ITGA11: variants seen among roughly 807,000 people sequenced by gnomAD.
The protein encoded by ITGA11 is integrin subunit alpha 11.
In ITGA11, 97 loss-of-function variants were observed where a neutral mutation model predicts 141.9. The ratio of observed to expected loss-of-function variants is 0.68; its 90% CI spans 0.58 to 0.81. The LOEUF is 0.81. Among genes scored for constraint, ITGA11 ranks in the 30% least tolerant of loss-of-function variants. The pLI, the probability that ITGA11 is intolerant of heterozygous loss-of-function variation, is 0.00. For missense variants in ITGA11, 1,387 were observed against 1,559.2 expected, an observed-to-expected ratio of 0.89 and a Z score of 1.86; for synonymous variants, 658 against 624.6, an observed-to-expected ratio of 1.05 and a Z score of -0.80.
rs879160778 is a variant in ITGA11 at position 68,311,038 on chromosome 15, G to A, written c.3130C>T (p.Arg1044Trp). 7 of 1,607,188 alleles carry A rather than the reference G, an allele frequency of 4.4e-6. No homozygotes were observed. Among genetic ancestry groups the A allele is most frequent in the African/African-American group, 1.3e-5 (1 of 74,770 alleles). Residue 1044 changes from arginine (R) to tryptophan (W), a missense_variant, in exon 26 of 30, where the codon CGG becomes TGG. By Grantham distance (101) the Arg-to-Trp change is moderately radical. Coordinates refer to ENST00000315757, the MANE Select transcript of ITGA11 (RefSeq NM_001004439.2). ...CNIWGNSTEY[R>W]PTPVEEDLRR... ...AAGTCTTCCTCCACTGGGGTGGGCC[G>A]GTACTCAGTGCTATTGCCCCAGATG...
At chr15:68,351,469 T>C (rs1894910835) in intron 7 of ITGA11, 67 bp from the exon 8 acceptor site, 2 of 1,541,244 alleles carry the variant, frequency 1.3e-6, no homozygotes, top group Admixed American at 3.7e-5. Flanking sequence ...CTGACGCTCC[T>C]GCAGAGGGGC....
At chr15:68,384,763 C>G (rs543193790) in intron 2 of ITGA11, among the ~76,000 whole-genome samples, 4 of 152,198 alleles carry the variant, frequency 2.6e-5, no homozygotes, top group Non-Finnish European at 4.4e-5. Flanking sequence ...GAGAAAATAG[C>G]GGAGAGCGTT....
intron 21 of ITGA11, among the ~76,000 whole-genome samples, chr15:68,315,934 AAAGAC>A (rs1201638639): frequency 6.6e-6 from 1 of 152,206 alleles, no homozygotes; most frequent in Non-Finnish European, 1.5e-5. Flanking sequence ...GGACACAGCC[AAAGAC>A]AACAGCTCCC....
In ITGA11 at chr15:68,328,083, G is replaced by A. The variant is rs2140298423; in HGVS notation, c.2068+13C>T. 6.2e-7 allele frequency: 1 copy of A among 1,610,644 alleles called. No individual in the cohort carries two copies. The highest frequency in any genetic ancestry group is 8.5e-7 in the Non-Finnish European group (1 of 1,178,444). On this transcript the variant is annotated intron_variant, in intron 16 of 29. Transcript: ENST00000315757. This position sits in a 1 kb window ranked among gnomAD's most constrained non-coding sequence, Gnocchi z 4.8. ...GAGTCTGGGGGTGGGGAGAAAGGAG[G>A]GGCCTGCTTTACCAACAGTTGTTGT...
rs944800231 is a variant in ITGA11, at chr15:68,333,788, C to T, written c.1426-1310G>A. Among the ~76,000 whole-genome samples the T allele has an allele frequency of 2.0e-5, 3 of 152,200 alleles. No individual in the cohort carries two copies. Among genetic ancestry groups the T allele is most frequent in the Non-Finnish European group, 2.9e-5 (2 of 68,030 alleles). ...TAGTATCTAAACTCTCTAGCAGGAC[C>T]GTGCTGGACCAGCCTCCCTCCCCAG... is the stretch of plus-strand genomic sequence containing the variant. On this transcript the variant is annotated intron_variant, in intron 12 of 29. Transcript: ENST00000315757. This position sits in a 1 kb window ranked among gnomAD's most constrained non-coding sequence, Gnocchi z 4.2.
chr15:68,400,894 A>ATTATATATTATATAATAAATATT (rs1896487413), intron 2 of ITGA11, among the ~76,000 whole-genome samples: 6 of 37,552 alleles, frequency 1.6e-4, no homozygotes, highest in African/African-American at 4.7e-4. Flanking sequence ...TAAATATTAT[A>ATTATATATTATATAATAAATATT]ATATTATATA....
intron 22 of ITGA11, among the ~76,000 whole-genome samples, chr15:68,314,523 G>C (rs1422948219): frequency 5.3e-5 from 8 of 152,182 alleles, no homozygotes; most frequent in African/African-American, 1.7e-4. Flanking sequence ...CCCTTTGGAA[G>C]CCTTACCCCA....
intron 7 of ITGA11, among the ~76,000 whole-genome samples, chr15:68,355,545 CA>C (rs1333673009): frequency 6.6e-6 from 1 of 151,760 alleles, no homozygotes; most frequent in Admixed American, 6.6e-5. Flanking sequence ...CTCCTGGGCT[CA>C]AGTGATCCTC....
rs1893821197 is a variant in ITGA11, at chr15:68,321,734, G to A, written c.2323-231C>T. On this transcript the variant is annotated intron_variant, in intron 18 of 29. Transcript: ENST00000315757. The surrounding 1 kb of genome is among the most constrained non-coding windows in gnomAD (Gnocchi z 4.9). ...CCTCCAGTTCATAACTGAGCTGATG[G>A]CACAGAACCCCCACCCCCACTCACC... Among the ~76,000 whole-genome samples, 1 of 152,122 alleles carries A rather than the reference G, an allele frequency of 6.6e-6. No homozygotes were observed. Among genetic ancestry groups the A allele is most frequent in the African/African-American group, 2.4e-5 (1 of 41,412 alleles).
Position 68,320,302 on chromosome 15 carries a change from GCTCT to G in ITGA11, c.2495_2498del (p.Glu832AlafsTer24). 6.2e-7 allele frequency: 1 copy of G among 1,613,950 alleles called. No individual in the cohort carries two copies. Among genetic ancestry groups the G allele is most frequent in the Non-Finnish European group, 8.5e-7 (1 of 1,179,842 alleles). On this transcript the variant is annotated frameshift_variant, in exon 20 of 30. Transcript: ENST00000315757. LOFTEE classifies it high-confidence loss of function. ...CCTCCACCGCCACTCGCTGGCGTGT[GCTCT>G]CTATGATGAAGACTGTGGTGTCGAA...
At position 68,326,709 on chromosome 15, in the gene ITGA11, GCT is replaced by G. The variant is rs1893984205; in HGVS notation, c.2154_2155del (p.Arg718SerfsTer12). The G allele has an allele frequency of 1.3e-6, 2 of 1,587,488 alleles. No individual in the cohort carries two copies. Among genetic ancestry groups the G allele is most frequent in the Non-Finnish European group, 1.7e-6 (2 of 1,167,064 alleles). On this transcript the variant is annotated frameshift_variant, in exon 17 of 30. Transcript: ENST00000315757. LOFTEE classifies it high-confidence loss of function. This position sits in a 1 kb window ranked among gnomAD's most constrained non-coding sequence, Gnocchi z 6.8. ...CTCCTGGCCGGAGGAGAGCAGTACG[GCT>G]CTGTTGGTGAATCGGTCCCCGCCCT...
At chr15:68,306,073 C>G (rs961201351) in intron 28 of ITGA11, among the ~76,000 whole-genome samples, 3 of 149,844 alleles carry the variant, frequency 2.0e-5, no homozygotes, top group Non-Finnish European at 4.4e-5. Flanking sequence ...GCCTGTAATA[C>G]CTGCTACCCG....
Position 68,333,330 on chromosome 15 carries a change from C to T in ITGA11, c.1426-852G>A, listed in dbSNP as rs964935517. ...TGCCCAGGCTGGTCTGGAACTCCTA[C>T]GCTTCAGTGATCCTCCCACCTCAGC... is the stretch of plus-strand genomic sequence containing the variant. On this transcript the variant is annotated intron_variant, in intron 12 of 29. Coordinates refer to ENST00000315757, the MANE Select transcript of ITGA11 (RefSeq NM_001004439.2). The surrounding 1 kb of genome is among the most constrained non-coding windows in gnomAD (Gnocchi z 4.2). 1.2e-4 allele frequency among the ~76,000 whole-genome samples: 19 copies of T among 152,148 alleles called. No homozygotes were observed. The highest frequency in any genetic ancestry group is 5.8e-4 in the East Asian group (3 of 5,206).
At position 68,389,690 on chromosome 15, in the gene ITGA11, G is replaced by A. The variant is rs116444488; in HGVS notation, c.164+13228C>T. ...GATCTTAAAGCTCACCATGTCCCTA[G>A]AGAGTCCCCTTTTGGAGCTCACTGG... On this transcript the variant is annotated intron_variant, in intron 2 of 29. Coordinates refer to ENST00000315757, the MANE Select transcript of ITGA11 (RefSeq NM_001004439.2). 5.8e-3 allele frequency among the ~76,000 whole-genome samples: 881 copies of A among 152,320 alleles called. 8 individuals are homozygous for A. The highest frequency in any genetic ancestry group is 0.021 in the African/African-American group (853 of 41,572).
At chr15:68,390,446 A>C (rs1302435086) in intron 2 of ITGA11, among the ~76,000 whole-genome samples, 1 of 152,010 alleles carries the variant, frequency 6.6e-6, no homozygotes, top group Non-Finnish European at 1.5e-5. Context: ...GTTCTTTCTC[A>C]CTGGAATCTG....
At position 68,321,435 on chromosome 15, in the gene ITGA11, A is replaced by G; in HGVS notation, c.2391T>C (p.Ser797=). 1 of 1,587,148 alleles carries G rather than the reference A, an allele frequency of 6.3e-7. No individual in the cohort carries two copies. The highest frequency in any genetic ancestry group is 8.6e-7 in the Non-Finnish European group (1 of 1,166,462). ...CVPDLVLDAR[S]DLPTAMEYCQ... is the part of the protein sequence containing the mutation. ...CAACTCACATGGCCGTGGGCAGGTC[A>G]CTCCGGGCATCCAACACAAGGTCAG... The change falls in exon 19 of 30, where the codon AGT becomes AGC. Residue 797 remains serine (S), a synonymous_variant. Coordinates refer to ENST00000315757, the MANE Select transcript of ITGA11 (RefSeq NM_001004439.2). The surrounding 1 kb of genome is among the most constrained non-coding windows in gnomAD (Gnocchi z 4.9).
In ITGA11 at chr15:68,313,793, G is replaced by A. The variant is rs555819535; in HGVS notation, c.2868C>T (p.Asp956=). Reference sequence around the variant, plus strand: ...GCCCGGCCCACCTGGTGAAGAGGACGTCAGCCTCGTATTTGAGGTGGAAGC... The same window carrying A: ...GCCCGGCCCACCTGGTGAAGAGGACATCAGCCTCGTATTTGAGGTGGAAGC... ...PLRFHLKYEA[D]VLFTRSSSLS... Residue 956 remains aspartate (D), a synonymous_variant, in exon 23 of 30, where the codon GAC becomes GAT. Coordinates refer to ENST00000315757, the MANE Select transcript of ITGA11 (RefSeq NM_001004439.2). The A allele has an allele frequency of 1.5e-4, 248 of 1,613,786 alleles. No homozygotes were observed. Among genetic ancestry groups the A allele is most frequent in the South Asian group, 1.2e-3 (108 of 91,016 alleles).
At chr15:68,425,841 A>G (rs1897130100) in intron 1 of ITGA11, among the ~76,000 whole-genome samples, 1 of 152,200 alleles carries the variant, frequency 6.6e-6, no homozygotes, top group Non-Finnish European at 1.5e-5. Context: ...GGGGGAAGAA[A>G]GCTGTCAGCC....
At chr15:68,402,022 G>T (rs1896524510) in intron 2 of ITGA11, among the ~76,000 whole-genome samples, 2 of 142,628 alleles carry the variant, frequency 1.4e-5, no homozygotes, top group Non-Finnish European at 3.0e-5. Flanking sequence ...TGTGGCTGGA[G>T]CATTGAACAC....
Sources: allele counts gnomAD v4.1 joint callset (sites outside exome capture counted in the v4.1 genomes callset), GRCh38; gene constraint gnomAD v4.1.1; non-coding constraint Gnocchi (gnomAD v3.1); transcripts MANE v1.5; gene names NCBI Gene and HGNC (gene_info 2026-07-23, HGNC 2026-07-21).